Variants in EBF3 observed in about 807,000 individuals in gnomAD.
EBF3 encodes transcription factor COE3.
In EBF3, 18 loss-of-function variants were observed where a neutral mutation model predicts 77.1. That is an observed-to-expected ratio of 0.23 (90% CI 0.16 to 0.35). EBF3 has a LOEUF of 0.35. Ranked by LOEUF, EBF3 falls within the 10% of genes least tolerant of loss-of-function variation. EBF3 has a pLI of 1.00. For synonymous variants in EBF3, 350 were observed against 343.5 expected, an observed-to-expected ratio of 1.02 and a Z score of -0.21; for missense variants, 558 against 860.0, an observed-to-expected ratio of 0.65 and a Z score of 4.39.
rs990883590 is a variant in EBF3 at position 129,879,542 on chromosome 10, G to A, written c.555-1693C>T. Among the ~76,000 whole-genome samples the A allele has an allele frequency of 1.3e-5, 2 of 152,180 alleles. No homozygotes were observed. Among genetic ancestry groups the A allele is most frequent in the Non-Finnish European group, 2.9e-5 (2 of 68,030 alleles). On this transcript the variant is annotated intron_variant, in intron 6 of 16. Coordinates refer to ENST00000440978, the MANE Select transcript of EBF3 (RefSeq NM_001375380.1). The surrounding 1 kb of genome is among the most constrained non-coding windows in gnomAD (Gnocchi z 4.7). Reference sequence around the variant, plus strand: ...GCAGAAGAAAATCCAATTGATGGGGGAAAGAGTGGTGGCCACTTAATTAAA... The same window carrying A: ...GCAGAAGAAAATCCAATTGATGGGGAAAAGAGTGGTGGCCACTTAATTAAA...
rs957152188 is a variant in EBF3, at chr10:129,943,478, A to G, written c.554+13780T>C. ...GATTTGTGGTTTTCTCCATCATTAT[A>G]TAACTGTAAACTTCTGGAGGTTAGA... On this transcript the variant is annotated intron_variant, in intron 6 of 16. Coordinates refer to ENST00000440978, the MANE Select transcript of EBF3 (RefSeq NM_001375380.1). This position sits in a 1 kb window ranked among gnomAD's most constrained non-coding sequence, Gnocchi z 8.8. Among the ~76,000 whole-genome samples the G allele has an allele frequency of 1.3e-5, 2 of 152,208 alleles. No individual in the cohort carries two copies. The highest frequency in any genetic ancestry group is 4.8e-5 in the African/African-American group (2 of 41,464).
At chr10:129,855,222 G>A (rs1851171843) in intron 10 of EBF3, among the ~76,000 whole-genome samples, 1 of 152,178 alleles carries the variant, frequency 6.6e-6, no homozygotes, top group Non-Finnish European at 1.5e-5. Flanking sequence ...ATATTGTTCT[G>A]GAATTCACAC....
chr10:129,848,259 G>C lies in EBF3; in HGVS notation c.1128+133C>G. ...CGGGCCCGGGCAGCTCCTCACACCT[G>C]TCGGCCCTGTGGTGGGCACAGAGTT... On this transcript the variant is annotated intron_variant, in intron 11 of 16. Coordinates refer to ENST00000440978, the MANE Select transcript of EBF3 (RefSeq NM_001375380.1). The surrounding 1 kb of genome is among the most constrained non-coding windows in gnomAD (Gnocchi z 4.4). 5 of 944,088 alleles carry C rather than the reference G, an allele frequency of 5.3e-6. No homozygotes were observed. The highest frequency in any genetic ancestry group is 2.8e-5 in the South Asian group (2 of 71,666). The allele number at this position is 944,088 out of a possible 1,614,324, so 58.5% of individuals were successfully genotyped here. A position where few individuals can be genotyped will look rare whatever the true frequency, so the allele number is the denominator to read the frequency against.
At chr10:129,908,068 T>A (rs888984196) in intron 6 of EBF3, among the ~76,000 whole-genome samples, 2 of 152,208 alleles carry the variant, frequency 1.3e-5, no homozygotes. Context: ...CTTGTTAGTA[T>A]CACTAAGAAA....
rs1246315278 is a variant in EBF3 at position 129,870,421 on chromosome 10, C to G, written c.782-2509G>C. ...AGCCCCCACACTCCCCATCTCTTTC[C>G]CGGCCTGGCCCTGTGATGGGAGGCA... On this transcript the variant is annotated intron_variant, in intron 8 of 16. Transcript: ENST00000440978. This position sits in a 1 kb window ranked among gnomAD's most constrained non-coding sequence, Gnocchi z 4.4. 6.6e-6 allele frequency among the ~76,000 whole-genome samples: 1 copy of G among 152,118 alleles called. No individual in the cohort carries two copies. Among genetic ancestry groups the G allele is most frequent in the Non-Finnish European group, 1.5e-5 (1 of 68,028 alleles).
rs1858032443 is a variant in EBF3 at position 129,944,506 on chromosome 10, G to C, written c.554+12752C>G. Among the ~76,000 whole-genome samples, 2 of 152,136 alleles carry C rather than the reference G, an allele frequency of 1.3e-5. No homozygotes were observed. The highest frequency in any genetic ancestry group is 4.8e-5 in the African/African-American group (2 of 41,410). On this transcript the variant is annotated intron_variant, in intron 6 of 16. Coordinates refer to ENST00000440978, the MANE Select transcript of EBF3 (RefSeq NM_001375380.1). The surrounding 1 kb of genome is among the most constrained non-coding windows in gnomAD (Gnocchi z 5.1). ...AACATAAGTCAGATGAATTAATATA[G>C]GCGGTGTAGGACCTCTCTTGCCACT...
At chr10:129,882,004 C>G (rs1196123056) in intron 6 of EBF3, among the ~76,000 whole-genome samples, 1 of 152,214 alleles carries the variant, frequency 6.6e-6, no homozygotes, top group African/African-American at 2.4e-5. Flanking sequence ...TTAAACTGGG[C>G]TAAAACAAAT....
In EBF3 at chr10:129,955,186, T is replaced by G. The variant is rs571793590; in HGVS notation, c.554+2072A>C. Among the ~76,000 whole-genome samples, 10 of 152,324 alleles carry G rather than the reference T, an allele frequency of 6.6e-5. 1 individual carries two copies. In the South Asian group the frequency reaches 1.9e-3, roughly 28 times the overall value. ...TTGCCATTCTAAGTGACAGCTTTCT[T>G]AAGAATGCTAAAAATGTACATTGTA... On this transcript the variant is annotated intron_variant, in intron 6 of 16. Coordinates refer to ENST00000440978, the MANE Select transcript of EBF3 (RefSeq NM_001375380.1).
intron 6 of EBF3, among the ~76,000 whole-genome samples, chr10:129,895,263 T>C (rs1158954992): frequency 6.6e-6 from 1 of 152,210 alleles, no homozygotes; most frequent in Non-Finnish European, 1.5e-5. Flanking sequence ...ACCTGGCTGC[T>C]CTTAGCTCCT....
At chr10:129,862,962 G>T (rs1303433628) in intron 10 of EBF3, among the ~76,000 whole-genome samples, 1 of 152,134 alleles carries the variant, frequency 6.6e-6, no homozygotes, top group Admixed American at 6.5e-5. Flanking sequence ...CAAGCAAATG[G>T]CACACTGTTA....
intron 6 of EBF3, among the ~76,000 whole-genome samples, chr10:129,878,823 C>CAAAAAAA (rs10654202): frequency 0.039 from 2,304 of 58,468 alleles, 321 homozygotes; most frequent in Non-Finnish European, 0.055. Flanking sequence ...AAATCGGTCT[C>CAAAAAAA]AAAAAAAAAA....
At chr10:129,927,839 G>T (rs1324707632) in intron 6 of EBF3, among the ~76,000 whole-genome samples, 5 of 152,122 alleles carry the variant, frequency 3.3e-5, no homozygotes, top group African/African-American at 1.2e-4. Flanking sequence ...GTCTGTGCAC[G>T]ATGCTCCCCT....
At position 129,963,241 on chromosome 10, in the gene EBF3, C is replaced by G; in HGVS notation, c.291+126G>C. 7.4e-7 allele frequency: 1 copy of G among 1,348,646 alleles called. No homozygotes were observed. The highest frequency in any genetic ancestry group is 9.7e-7 in the Non-Finnish European group (1 of 1,030,098). 83.5% of individuals were successfully genotyped at this position (1,348,646 alleles called of 1,614,324 possible). ...GGCGGTCCCGGGCGGCCGCACGTGG[C>G]GGCGGCGGGGTGGCCTGGCGGAGCC... On this transcript the variant is annotated intron_variant, in intron 2 of 16. Transcript: ENST00000440978. This position sits in a 1 kb window ranked among gnomAD's most constrained non-coding sequence, Gnocchi z 7.1.
rs1201663992 is a variant in EBF3, at chr10:129,964,104, G to A, written c.-336C>T. ...AGCCAGGCGGCGTCCGCGGCTGCAG[G>A]ACACTGCGGGATCGCCCGCTTCTGG... On this transcript the variant is annotated 5_prime_UTR_variant, in exon 1 of 17. Transcript: ENST00000440978. The surrounding 1 kb of genome is among the most constrained non-coding windows in gnomAD (Gnocchi z 4.5). 7.1e-6 allele frequency: 7 copies of A among 984,992 alleles called. No homozygotes were observed. Among genetic ancestry groups the A allele is most frequent in the Non-Finnish European group, 8.4e-6 (7 of 829,838 alleles). The allele number at this position is 984,992 out of a possible 1,614,324, so 61.0% of individuals were successfully genotyped here.
chr10:129,892,537 C>G (rs1184848511), intron 6 of EBF3, among the ~76,000 whole-genome samples: 1 of 152,058 alleles, frequency 6.6e-6, no homozygotes, highest in Non-Finnish European at 1.5e-5. Context: ...GAGAGTGAGC[C>G]GTGTTGCATG....
At chr10:129,933,609 C>T (rs2134436845) in intron 6 of EBF3, among the ~76,000 whole-genome samples, 1 of 152,360 alleles carries the variant, frequency 6.6e-6, no homozygotes, top group African/African-American at 2.4e-5. Flanking sequence ...GCCCAGCAGC[C>T]TCTGCAGGCG....
chr10:129,853,330 T>G (rs1851026827), intron 10 of EBF3, among the ~76,000 whole-genome samples: 1 of 152,230 alleles, frequency 6.6e-6, no homozygotes, highest in Non-Finnish European at 1.5e-5. Context: ...CTGAAAAACC[T>G]GACTCCAACA....
chr10:129,903,855 A>C (rs1338663697), intron 6 of EBF3, among the ~76,000 whole-genome samples: 8 of 152,172 alleles, frequency 5.3e-5, no homozygotes, highest in Non-Finnish European at 1.0e-4. Flanking sequence ...GAGGAGTCTC[A>C]GATAGAATTC....
rs191963903 is a variant in EBF3, at chr10:129,938,294, C to A, written c.554+18964G>T. On this transcript the variant is annotated intron_variant, in intron 6 of 16. Transcript: ENST00000440978. This position sits in a 1 kb window ranked among gnomAD's most constrained non-coding sequence, Gnocchi z 5.1. ...ATGGCTCTCATCTATAGTCCCAGCA[C>A]TTTGGAAGGCCAAGGGAGGCAGATC... 2.3e-4 allele frequency among the ~76,000 whole-genome samples: 35 copies of A among 151,402 alleles called. No homozygotes were observed. The highest frequency in any genetic ancestry group is 4.4e-4 in the Non-Finnish European group (30 of 67,948).
Sources: allele counts gnomAD v4.1 joint callset (sites outside exome capture counted in the v4.1 genomes callset), GRCh38; gene constraint gnomAD v4.1.1; non-coding constraint Gnocchi (gnomAD v3.1); transcripts MANE v1.5; gene names NCBI Gene and HGNC (gene_info 2026-07-23, HGNC 2026-07-21).